Variants in UBAP2 observed in about 807,000 individuals in gnomAD.
The protein encoded by UBAP2 is ubiquitin-associated protein 2.
Under a neutral mutation model 139.6 loss-of-function variants are expected in UBAP2, and 75 were observed. The ratio of observed to expected loss-of-function variants is 0.54; its 90% confidence interval spans 0.45 to 0.65. The LOEUF is 0.65. Among genes scored for constraint, UBAP2 ranks in the 30% least tolerant of loss-of-function variants. The probability of loss-of-function intolerance (pLI) is 0.00; values close to 1 mark genes in which losing one functional copy is unlikely to be tolerated. For missense variants in UBAP2, 1,368 were observed against 1,369.6 expected, an observed-to-expected ratio of 1.00 and a Z score of 0.02; for synonymous variants, 526 against 526.2, an observed-to-expected ratio of 1.00 and a Z score of 0.01.
At chr9:33,950,218 A>AC (rs954346780) in intron 12 of UBAP2, among the ~76,000 whole-genome samples, 150 of 151,786 alleles carry the variant, frequency 9.9e-4, no homozygotes, top group Non-Finnish European at 4.7e-4. Context: ...GGCGCCCACC[A>AC]CCACGCCCGG....
chr9:33,936,059 A>AT (rs937975475), intron 16 of UBAP2, among the ~76,000 whole-genome samples, 181 bp from the exon 17 acceptor site: 9 of 151,994 alleles, frequency 5.9e-5, no homozygotes, highest in Admixed American at 4.6e-4. Context: ...GTTCAAAAAA[A>AT]TTTTTTTTCA....
intron 6 of UBAP2, among the ~76,000 whole-genome samples, chr9:33,982,053 A>T (rs1245365704): frequency 1.3e-5 from 2 of 152,070 alleles, no homozygotes; most frequent in African/African-American, 2.4e-5. Flanking sequence ...TATGATCATC[A>T]CATATCTGGC....
At chr9:33,989,393 G>A (rs943009551) in intron 4 of UBAP2, among the ~76,000 whole-genome samples, 1 of 151,998 alleles carries the variant, frequency 6.6e-6, no homozygotes, top group Non-Finnish European at 1.5e-5. Context: ...AGTGGAGATG[G>A]GGTTTCATCG....
intron 1 of UBAP2, among the ~76,000 whole-genome samples, chr9:34,029,943 C>A (rs1432767429): frequency 1.4e-5 from 2 of 147,964 alleles, no homozygotes; most frequent in Non-Finnish European, 3.0e-5. Context: ...GCTGAGATTG[C>A]GCCACTGCAC....
At chr9:34,048,891 T>C (rs1400030763), upstream of UBAP2, 1 of 151,888 alleles carries the variant, frequency 6.6e-6, no homozygotes, top group Non-Finnish European at 1.5e-5. Context: ...CCAATGTGCC[T>C]CTTACAAAGC....
At chr9:34,028,942 G>A (rs576035317) in intron 1 of UBAP2, among the ~76,000 whole-genome samples, 6 of 152,114 alleles carry the variant, frequency 3.9e-5, no homozygotes, top group Admixed American at 2.0e-4. Context: ...GCAAGTCCTC[G>A]TCTATACAAT....
At chr9:34,016,630 A>G (rs929254720) in intron 2 of UBAP2, among the ~76,000 whole-genome samples, 16 of 151,194 alleles carry the variant, frequency 1.1e-4, no homozygotes, top group Non-Finnish European at 1.9e-4. Context: ...ATCTGGGCTC[A>G]CTGCAACCTC....
At chr9:34,003,076 T>G (rs1323608136) in intron 2 of UBAP2, among the ~76,000 whole-genome samples, 1 of 152,108 alleles carries the variant, frequency 6.6e-6, no homozygotes. Flanking sequence ...TTTTTCTTTT[T>G]TTGAGACGAA....
chr9:34,020,418 G>C (rs1383348080), intron 1 of UBAP2, among the ~76,000 whole-genome samples: 2 of 151,616 alleles, frequency 1.3e-5, no homozygotes, highest in Admixed American at 1.3e-4. Context: ...TCCACCTTCT[G>C]GGTTCAAGCA....
chr9:33,981,768 T>A (rs887916038), intron 6 of UBAP2, among the ~76,000 whole-genome samples: 1 of 130,820 alleles, frequency 7.6e-6, no homozygotes, highest in Non-Finnish European at 1.5e-5. Flanking sequence ...GGTAGGTAGG[T>A]AGGTAGGAAG....
intron 17 of UBAP2, among the ~76,000 whole-genome samples, chr9:33,934,983 T>C (rs1304827025): frequency 6.6e-6 from 1 of 152,174 alleles, no homozygotes; most frequent in Non-Finnish European, 1.5e-5. Flanking sequence ...TTAAGTTCAA[T>C]ATCCGCACTC....
At chr9:34,028,683 A>T (rs1825629443) in intron 1 of UBAP2, among the ~76,000 whole-genome samples, 1 of 151,782 alleles carries the variant, frequency 6.6e-6, no homozygotes, top group African/African-American at 2.4e-5. Flanking sequence ...ACCAGCCTTA[A>T]ACCTTGTCTT....
chr9:33,928,053 A>G, intron 19 of UBAP2, 61 bp from the exon 20 acceptor site: 1 of 1,522,978 alleles, frequency 6.6e-7, no homozygotes, highest in East Asian at 2.3e-5. Context: ...TGCTGGGGAG[A>G]GCCTGGCCTG....
intron 1 of UBAP2, among the ~76,000 whole-genome samples, chr9:34,027,485 GA>G (rs1825501864): frequency 6.6e-6 from 1 of 152,046 alleles, no homozygotes; most frequent in Non-Finnish European, 1.5e-5. Context: ...GGGAGGCCAA[GA>G]GGGGGAGGAT....
At chr9:34,033,700 C>G (rs1236672216) in intron 1 of UBAP2, among the ~76,000 whole-genome samples, 4 of 151,850 alleles carry the variant, frequency 2.6e-5, no homozygotes, top group African/African-American at 7.3e-5. Context: ...ACCTCAACCT[C>G]CCAAGCAGCT....
intron 13 of UBAP2, among the ~76,000 whole-genome samples, chr9:33,946,675 C>T (rs1169173484): frequency 6.6e-6 from 1 of 152,022 alleles, no homozygotes; most frequent in African/African-American, 2.4e-5. Flanking sequence ...TTACATGAGC[C>T]ACTGTGCCCA....
intron 1 of UBAP2, among the ~76,000 whole-genome samples, chr9:34,039,152 A>C (rs1183096826): frequency 6.7e-6 from 1 of 149,166 alleles, no homozygotes; most frequent in Admixed American, 6.6e-5. Flanking sequence ...GGTGGGGGGC[A>C]GCCTCCGCCC....
chr9:33,995,458 A>ATATATATTAAATATATAAATATATT (rs1491251455), intron 4 of UBAP2: 3 of 138,148 alleles, frequency 2.2e-5, no homozygotes, highest in Middle Eastern at 3.7e-3. Flanking sequence ...ATTATATATA[A>ATATATATTAAATATATAAATATATT]TATATATTAA....
At chr9:33,953,567 T>C in intron 11 of UBAP2, 93 bp from the exon 12 acceptor site, 1 of 1,301,782 alleles carries the variant, frequency 7.7e-7, no homozygotes, top group South Asian at 1.5e-5. Context: ...TGAATTTACA[T>C]TAAAAATCAA....
Sources: gnomAD v4.1 joint callset for allele counts (sites outside exome capture counted in the v4.1 genomes callset) on GRCh38, gnomAD v4.1.1 for gene constraint, MANE v1.5 for transcripts, NCBI Gene and HGNC (gene_info 2026-07-23, HGNC 2026-07-21) for gene names.